The following LMO7 variants were observed in gnomAD, a reference collection of about 807,000 sequenced individuals.
LMO7 encodes the protein LIM domain only protein 7.
A neutral mutation model predicts 206.5 loss-of-function variants in LMO7; 120 were observed. The ratio of observed to expected loss-of-function variants is 0.58; its 90% CI spans 0.50 to 0.68. The LOEUF is 0.68. Ranked by LOEUF, LMO7 falls within the 30% of genes least tolerant of loss-of-function variation. The pLI is 0.00. For missense variants in LMO7, 1,959 were observed against 1,957.9 expected (o/e 1.00, Z -0.01); for synonymous variants, 706 against 681.5 (o/e 1.04, Z -0.56).
intron 2 of LMO7, among the ~76,000 whole-genome samples, chr13:75,623,866 T>C (rs969982144): frequency 2.2e-4 from 34 of 152,298 alleles, no homozygotes; most frequent in African/African-American, 8.2e-4. Flanking sequence ...AATGCTCTTT[T>C]TCCCAGCCTG....
intron 1 of LMO7, among the ~76,000 whole-genome samples, chr13:75,663,057 C>A (rs1473966605): frequency 6.6e-6 from 1 of 152,008 alleles, no homozygotes; most frequent in Non-Finnish European, 1.5e-5. Context: ...AATTTTTAAT[C>A]CCAATATTAC....
intron 3 of LMO7, among the ~76,000 whole-genome samples, chr13:75,735,628 A>ATT (rs1163734759): frequency 1.4e-5 from 2 of 139,202 alleles, no homozygotes; most frequent in African/African-American, 5.3e-5. Context: ...CACGCAGCTA[A>ATT]TTTTTTTTTT....
intron 11 of LMO7, among the ~76,000 whole-genome samples, chr13:75,809,828 ATTTTTTTTT>A (rs35825600): frequency 8.2e-6 from 1 of 122,652 alleles, no homozygotes; most frequent in Admixed American, 8.8e-5. Context: ...CAAAAACTAC[ATTTTTTTTT>A]TTTTTTTTTT....
chr13:75,649,671 A>G (rs1196799511), intron 1 of LMO7, among the ~76,000 whole-genome samples: 2 of 152,220 alleles, frequency 1.3e-5, no homozygotes, highest in African/African-American at 2.4e-5. Context: ...ACATTCTCTC[A>G]AAGATGCTAT....
intron 1 of LMO7, among the ~76,000 whole-genome samples, chr13:75,665,232 G>T (rs985177609): frequency 5.3e-5 from 8 of 151,928 alleles, no homozygotes; most frequent in African/African-American, 1.2e-4. Flanking sequence ...GAAAAATTTT[G>T]AAGTTTTTGG....
intron 15 of LMO7, among the ~76,000 whole-genome samples, chr13:75,830,786 A>G (rs1032379543): frequency 2.6e-5 from 4 of 152,186 alleles, no homozygotes; most frequent in Non-Finnish European, 5.9e-5. Context: ...CTTTGATCCT[A>G]TATTTGGTAG....
intron 30 of LMO7, 100 bp downstream of exon 30, chr13:75,856,708 C>A: frequency 1.4e-6 from 1 of 732,004 alleles, no homozygotes; most frequent in Non-Finnish European, 2.5e-6. Context: ...TCCAAGTTCA[C>A]TGCCATAGGA....
At chr13:75,838,343 C>G (rs1483076868) in intron 20 of LMO7, 147 bp downstream of exon 20, 1 of 1,519,858 alleles carries the variant, frequency 6.6e-7, no homozygotes, top group East Asian at 2.5e-5. Context: ...CATTCTTTCC[C>G]TAGGGTCATC....
chr13:75,834,076 T>C, intron 16 of LMO7, 150 bp from the exon 17 acceptor site: 2 of 564,756 alleles, frequency 3.5e-6, no homozygotes, highest in Non-Finnish European at 6.1e-6. Flanking sequence ...TACTCAGATA[T>C]TTGGTATTAA....
intron 1 of LMO7, among the ~76,000 whole-genome samples, chr13:75,644,749 C>T (rs1040819960): frequency 3.3e-5 from 5 of 152,182 alleles, no homozygotes; most frequent in African/African-American, 4.8e-5. Context: ...CTGCCTCAGC[C>T]TCTGGAACAG....
At chr13:75,855,070 T>G in intron 28 of LMO7, 190 bp from the exon 29 acceptor site, 6 of 513,396 alleles carry the variant, frequency 1.2e-5, no homozygotes, top group East Asian at 3.0e-5. Context: ...AGAGCTGCCA[T>G]GGAGATGGTT....
intron 4 of LMO7, among the ~76,000 whole-genome samples, chr13:75,782,475 T>A (rs696778): frequency 0.012 from 1,860 of 152,310 alleles, 47 homozygotes; most frequent in African/African-American, 0.042. Context: ...ACTGCATTGG[T>A]GATAAAATTA....
intron 4 of LMO7, among the ~76,000 whole-genome samples, chr13:75,776,162 G>GATATATATATATATATATATATATCGGAT (rs2050387694): frequency 1.8e-3 from 66 of 36,754 alleles, no homozygotes; most frequent in Non-Finnish European, 3.1e-3. Context: ...ATATATATCG[G>GATATATATATATATATATATATATCGGAT]ATATATATAT....
At chr13:75,671,303 T>C (rs1375631432) in intron 1 of LMO7, among the ~76,000 whole-genome samples, 1 of 152,094 alleles carries the variant, frequency 6.6e-6, no homozygotes, top group Non-Finnish European at 1.5e-5. Flanking sequence ...TGTACATAAC[T>C]GTTCATGCTA....
Position 75,696,011 on chromosome 13 carries a change from C to G in LMO7, c.70-17171C>G, listed in dbSNP as rs116412071. On this transcript the variant is annotated intron_variant, in intron 1 of 30. Transcript: ENST00000377534. ...GTACTCAGAATGTGCCAGCAGGTGG[C>G]AGCAGAGAACAGAAACTGATTTCAT... Among the ~76,000 whole-genome samples the G allele has an allele frequency of 5.5e-3, 832 of 152,298 alleles. 17 individuals are homozygous for G. The highest frequency in any genetic ancestry group is 0.019 in the African/African-American group (779 of 41,552).
intron 1 of LMO7, among the ~76,000 whole-genome samples, chr13:75,691,416 G>A (rs1159185738): frequency 1.3e-5 from 2 of 152,166 alleles, no homozygotes; most frequent in African/African-American, 4.8e-5. Context: ...AAACAACCTG[G>A]TGTCACAGTA....
chr13:75,737,059 T>C (rs992783764), intron 3 of LMO7, among the ~76,000 whole-genome samples: 1 of 152,188 alleles, frequency 6.6e-6, no homozygotes, highest in African/African-American at 2.4e-5. Context: ...CCTTAGAGTG[T>C]GATCTTATTT....
chr13:75,669,156 G>C (rs759963715), intron 1 of LMO7, among the ~76,000 whole-genome samples: 11 of 152,284 alleles, frequency 7.2e-5, no homozygotes, highest in Non-Finnish European at 1.2e-4. Flanking sequence ...CAAAACCAAA[G>C]TAAGTGGTCA....
At chr13:75,624,270 A>T (rs919799289) in intron 2 of LMO7, among the ~76,000 whole-genome samples, 1 of 152,200 alleles carries the variant, frequency 6.6e-6, no homozygotes, top group Non-Finnish European at 1.5e-5. Context: ...GCTCAGCACT[A>T]CTGTAAACCT....
Sources: gnomAD v4.1 joint callset for allele counts (sites outside exome capture counted in the v4.1 genomes callset) on GRCh38, gnomAD v4.1.1 for gene constraint, MANE v1.5 for transcripts, NCBI Gene and HGNC (gene_info 2026-07-23, HGNC 2026-07-21) for gene names.